Variants in SORL1 observed in about 807,000 individuals in gnomAD.
SORL1 encodes the protein sortilin-related receptor.
A neutral mutation model predicts 273.7 loss-of-function variants in SORL1; 127 were observed. That is an observed-to-expected ratio of 0.46 (90% confidence interval 0.40 to 0.54). SORL1 has a LOEUF of 0.54. Ranked by LOEUF, SORL1 falls within the 20% of genes least tolerant of loss-of-function variation. The probability of loss-of-function intolerance (pLI) is 0.00; values close to 1 mark genes in which losing one functional copy is unlikely to be tolerated. For missense variants in SORL1, 2,494 were observed against 2,846.1 expected (o/e 0.88, Z 2.81); for synonymous variants, 1,031 against 1,067.4 (o/e 0.97, Z 0.66).
At chr11:121,570,566 G>T (rs1206577222) in intron 23 of SORL1, among the ~76,000 whole-genome samples, 2 of 152,180 alleles carry the variant, frequency 1.3e-5, no homozygotes, top group Non-Finnish European at 2.9e-5. Context: ...TTGGCAATCT[G>T]GGCTCTAATC....
chr11:121,483,126 G>T (rs1460796996), intron 3 of SORL1, among the ~76,000 whole-genome samples: 1 of 152,230 alleles, frequency 6.6e-6, no homozygotes, highest in Non-Finnish European at 1.5e-5. Context: ...CAGGGGTCTT[G>T]CTCTGCCATA....
In SORL1 at chr11:121,583,442, C is replaced by T. The variant is rs201279127; in HGVS notation, c.3581-16C>T. On this transcript the variant is annotated splice_polypyrimidine_tract_variant and intron_variant, in intron 25 of 47. Transcript: ENST00000260197. ...AGATGAGGGGTGTGCGACTGTGTCT[C>T]TCTTCTCTGTTACAGCCATCTATCA... is the stretch of plus-strand genomic sequence containing the variant. 3.8e-4 allele frequency: 613 copies of T among 1,607,140 alleles called. 1 individual carries two copies. Among genetic ancestry groups the T allele is most frequent in the Non-Finnish European group, 4.8e-4 (564 of 1,176,448 alleles).
chr11:121,562,467 G>A (rs1419695264), intron 21 of SORL1, among the ~76,000 whole-genome samples: 2 of 152,198 alleles, frequency 1.3e-5, no homozygotes, highest in Non-Finnish European at 2.9e-5. Context: ...ATTGCTTGCT[G>A]TTCTGAATAG....
intron 18 of SORL1, among the ~76,000 whole-genome samples, chr11:121,555,711 T>A (rs1422542051): frequency 6.6e-6 from 1 of 152,178 alleles, no homozygotes; most frequent in East Asian, 1.9e-4. Flanking sequence ...TCGTCTAGTA[T>A]TATTTTATTC....
intron 1 of SORL1, among the ~76,000 whole-genome samples, chr11:121,466,115 C>A (rs1373425618): frequency 6.6e-6 from 1 of 152,216 alleles, no homozygotes; most frequent in Non-Finnish European, 1.5e-5. Context: ...CTCGGCCCCT[C>A]CCTGCTGCCT....
At chr11:121,609,104 A>G in intron 38 of SORL1, 1 of 152,328 alleles carries the variant, frequency 6.6e-6, no homozygotes, top group Non-Finnish European at 1.5e-5. Flanking sequence ...GGTTTTCCTG[A>G]CCTTAGCCTT....
chr11:121,606,877 C>G lies in SORL1; in HGVS notation c.4981C>G (p.Leu1661Val). 6.2e-7 allele frequency: 1 copy of G among 1,614,112 alleles called. No individual in the cohort carries two copies. Among genetic ancestry groups the G allele is most frequent in the Non-Finnish European group, 8.5e-7 (1 of 1,179,978 alleles). ...TGCCCCTCGAAATCTCCAGCTGTCA[C>G]TCCCCAGGGAAGCAGAAGGTGTGAT... ...PDAPRNLQLS[L>V]PREAEGVIVG... Residue 1661 changes from leucine (L) to valine (V), a missense_variant, in exon 36 of 48, where the codon CTC becomes GTC. This residue lies in a region of SORL1 where 1,609 missense variants were observed against 1,816.4 expected (regional missense o/e 0.89). Coordinates refer to ENST00000260197, the MANE Select transcript of SORL1 (RefSeq NM_003105.6).
At chr11:121,601,515 A>G (rs1024303433) in intron 32 of SORL1, among the ~76,000 whole-genome samples, 6 of 151,138 alleles carry the variant, frequency 4.0e-5, no homozygotes, top group Admixed American at 6.6e-5. Flanking sequence ...TCCCACCAAC[A>G]GTGTAAAAGT....
At chr11:121,601,049 C>T (rs1182354002) in intron 32 of SORL1, among the ~76,000 whole-genome samples, 1 of 115,810 alleles carries the variant, frequency 8.6e-6, no homozygotes, top group African/African-American at 3.3e-5. Context: ...CTCCCCCCTC[C>T]CCCCACCCCA....
intron 1 of SORL1, among the ~76,000 whole-genome samples, chr11:121,467,360 C>T (rs914807652): frequency 6.6e-6 from 1 of 152,088 alleles, no homozygotes; most frequent in African/African-American, 2.4e-5. Flanking sequence ...CTGAGTAGAT[C>T]GATTTCAGCA....
chr11:121,475,525 G>A (rs1458512165), intron 2 of SORL1, among the ~76,000 whole-genome samples: 2 of 152,202 alleles, frequency 1.3e-5, no homozygotes, highest in Non-Finnish European at 2.9e-5. Context: ...CGATGGCAGC[G>A]GCATGGCTGA....
chr11:121,509,639 G>T (rs1861844833), intron 6 of SORL1, among the ~76,000 whole-genome samples: 1 of 152,058 alleles, frequency 6.6e-6, no homozygotes, highest in Admixed American at 6.5e-5. Flanking sequence ...ACCATGCCTA[G>T]CTAATTTTTC....
intron 2 of SORL1, among the ~76,000 whole-genome samples, chr11:121,477,757 C>T (rs933407908): frequency 7.2e-5 from 11 of 152,060 alleles, no homozygotes; most frequent in African/African-American, 2.2e-4. Flanking sequence ...TGCTTGGGCT[C>T]GGTGGCTCAT....
chr11:121,625,841 T>C (rs1469242174), intron 46 of SORL1, among the ~76,000 whole-genome samples: 1 of 152,176 alleles, frequency 6.6e-6, no homozygotes, highest in African/African-American at 2.4e-5. Context: ...TCTGCTTACA[T>C]TATAGTAGTT....
intron 24 of SORL1, chr11:121,577,068 A>G (rs1164577005): frequency 1.3e-5 from 15 of 1,139,454 alleles, no homozygotes; most frequent in Non-Finnish European, 1.8e-5. Context: ...TGAGGGTCTC[A>G]GAATCTCAGC....
At chr11:121,505,214 T>C (rs889249069) in intron 6 of SORL1, among the ~76,000 whole-genome samples, 5 of 152,110 alleles carry the variant, frequency 3.3e-5, no homozygotes, top group African/African-American at 1.2e-4. Flanking sequence ...TGTTCATTTA[T>C]TCTAGGTTAT....
At chr11:121,521,194 C>T (rs1862037967) in intron 9 of SORL1, among the ~76,000 whole-genome samples, 1 of 152,050 alleles carries the variant, frequency 6.6e-6, no homozygotes, top group African/African-American at 2.4e-5. Flanking sequence ...TATAATGTAT[C>T]TGTGGCCCTT....
chr11:121,604,960 G>A (rs1242705715), intron 33 of SORL1, among the ~76,000 whole-genome samples, 153 bp from the exon 34 acceptor site: 3 of 151,734 alleles, frequency 2.0e-5, no homozygotes, highest in Admixed American at 6.6e-5. Flanking sequence ...TAGTAGAGAC[G>A]GGGTTTAGCC....
intron 24 of SORL1, 105 bp from the exon 25 acceptor site, chr11:121,577,176 G>T: frequency 7.3e-7 from 1 of 1,377,738 alleles, no homozygotes; most frequent in Non-Finnish European, 1.0e-6. Flanking sequence ...GTGGATCATT[G>T]GTGATCACGG....
Sources: allele counts gnomAD v4.1 joint callset (sites outside exome capture counted in the v4.1 genomes callset), GRCh38; gene constraint gnomAD v4.1.1; regional missense constraint gnomAD v4.1.1; transcripts MANE v1.5; gene names NCBI Gene and HGNC (gene_info 2026-07-23, HGNC 2026-07-21).